Variants in NEB observed in about 807,000 individuals in gnomAD.
NEB encodes nebulin, also known as nemaline myopathy type 2.
In NEB, 512 loss-of-function variants were observed where a neutral mutation model predicts 952.2. That is an observed-to-expected ratio of 0.54 (90% CI 0.50 to 0.58). The LOEUF is 0.58. Ranked by LOEUF, NEB falls within the 20% of genes least tolerant of loss-of-function variation. The pLI is 0.00. For synonymous variants in NEB, 2,900 were observed against 3,149.8 expected, an observed-to-expected ratio of 0.92 and a Z score of 2.66; for missense variants, 8,428 against 9,231.1, an observed-to-expected ratio of 0.91 and a Z score of 3.56.
At chr2:151,710,963 C>T (rs748691260) in intron 10 of NEB, among the ~76,000 whole-genome samples, 8 of 152,178 alleles carry the variant, frequency 5.3e-5, no homozygotes, top group Admixed American at 6.5e-5. Context: ...AAAGAAACAA[C>T]CACAATAAAA....
At chr2:151,666,676 G>A (rs545631716) in intron 40 of NEB, among the ~76,000 whole-genome samples, 2 of 152,182 alleles carry the variant, frequency 1.3e-5, no homozygotes, top group East Asian at 3.9e-4. Flanking sequence ...TTCCTGAGAA[G>A]TTGGCTTATG....
chr2:151,566,125 G>T (rs1343210788), intron 114 of NEB, among the ~76,000 whole-genome samples: 1 of 152,138 alleles, frequency 6.6e-6, no homozygotes, highest in Non-Finnish European at 1.5e-5. Flanking sequence ...GGAAGGGGCT[G>T]TTATTTTCTG....
rs752098313 is a variant in NEB, at chr2:151,650,667, G to A, written c.7134C>T (p.Asp2378=). 34 of 1,613,576 alleles carry A rather than the reference G, an allele frequency of 2.1e-5. No individual in the cohort carries two copies. Among genetic ancestry groups the A allele is most frequent in the Admixed American group, 1.7e-4 (10 of 59,984 alleles). ...LAKKCQELVS[D]VDYKNYLHQW... The stretch of plus-strand genomic sequence containing the variant: ...GATGCAGGTAGTTCTTGTAGTCCAC[G>A]TCACTAACCAACTCCTGACACTTCT... The change falls in exon 53 of 182, where the codon GAC becomes GAT. Residue 2378 remains aspartate, a synonymous_variant. Transcript: ENST00000397345.
chr2:151,666,237 A>C lies in NEB; in HGVS notation c.4884T>G (p.Pro1628=), dbSNP rs1041760075. 2.5e-6 allele frequency: 4 copies of C among 1,613,948 alleles called. No individual in the cohort carries two copies. Among genetic ancestry groups the C allele is most frequent in the Non-Finnish European group, 3.4e-6 (4 of 1,179,872 alleles). Residue 1628 remains proline, a synonymous_variant, in exon 41 of 182, where the codon CCT becomes CCG. Transcript: ENST00000397345. ...CAGCTGTCACACTGACCATATCCAG[A>C]GGTGTGTGGTACTTGGTCTTGCTGG... ...YEASKTKYHT[P]LDMVSVTAAK... is the part of the protein sequence containing the mutation.
intron 27 of NEB, 105 bp downstream of exon 27, chr2:151,687,314 T>G (rs558576817): frequency 1.1e-6 from 1 of 929,026 alleles, no homozygotes; most frequent in African/African-American, 1.6e-5. Flanking sequence ...GTGAATGTGA[T>G]GTGAAAGAGC....
intron 72 of NEB, among the ~76,000 whole-genome samples, chr2:151,620,088 A>G (rs1322756860): frequency 6.6e-6 from 1 of 152,088 alleles, no homozygotes; most frequent in African/African-American, 2.4e-5. Context: ...TTAAGAACAC[A>G]CCTGGGGCGT....
In NEB at chr2:151,552,655, C is replaced by A; in HGVS notation, c.19836+17G>T. On this transcript the variant is annotated intron_variant, in intron 128 of 181. Coordinates refer to ENST00000397345, the MANE Select transcript of NEB (RefSeq NM_001164508.2). ...TGCTTTATTACTGTCCACTTAACTT[C>A]CCCAGTGATCACTTACGTCACTTAG... The A allele has an allele frequency of 6.3e-7, 1 of 1,583,474 alleles. No individual in the cohort carries two copies.
At position 151,682,782 on chromosome 2, in the gene NEB, G is replaced by A. The variant is rs754168438; in HGVS notation, c.2836-13C>T. On this transcript the variant is annotated splice_polypyrimidine_tract_variant and intron_variant, in intron 28 of 181. Transcript: ENST00000397345. ...CTTTGTATTCAACCTAAAACACCAAGAGAAAGGTTACATTTCTTTGCTGTG... is the reference window on the plus strand; with the variant it reads ...CTTTGTATTCAACCTAAAACACCAAAAGAAAGGTTACATTTCTTTGCTGTG... 1.9e-6 allele frequency: 3 copies of A among 1,598,706 alleles called. No individual in the cohort carries two copies. Among genetic ancestry groups the A allele is most frequent in the Non-Finnish European group, 2.6e-6 (3 of 1,168,272 alleles).
At chr2:151,548,162 T>C in intron 131 of NEB, 146 bp downstream of exon 131, 1 of 691,696 alleles carries the variant, frequency 1.4e-6, no homozygotes. Flanking sequence ...GAAATATCAG[T>C]ATCAAAATGT....
In NEB at chr2:151,684,798, C is replaced by A; in HGVS notation, c.2815G>T (p.Ala939Ser). 1 of 1,608,934 alleles carries A rather than the reference C, an allele frequency of 6.2e-7. No individual in the cohort carries two copies. Among genetic ancestry groups the A allele is most frequent in the Non-Finnish European group, 8.5e-7 (1 of 1,177,244 alleles). Residue 939 changes from alanine (A) to serine (S), a missense_variant, in exon 28 of 182, where the codon GCA becomes TCA. Around this residue, in one of 11 missense-constraint regions of NEB, gnomAD observed 2,851 missense variants for 2,791.5 expected, o/e 1.02. Coordinates refer to ENST00000397345, the MANE Select transcript of NEB (RefSeq NM_001164508.2). ...CTCACATCGCTCTGCAGCGCATATG[C>A]CTTCTTGGCAAGGTCCACATTGATG... is the stretch of plus-strand genomic sequence containing the variant. The part of the protein sequence containing the change: ...DSINVDLAKK[A>S]YALQSDVEYK...
chr2:151,716,163 A>T, intron 10 of NEB: 1 of 430,976 alleles, frequency 2.3e-6, no homozygotes, highest in South Asian at 1.7e-5. Context: ...TTTTTGAGAC[A>T]GTTTCACACT....
At chr2:151,504,150 G>A (rs1228990525) in intron 165 of NEB, among the ~76,000 whole-genome samples, 2 of 152,122 alleles carry the variant, frequency 1.3e-5, no homozygotes. Flanking sequence ...TCAGCCTAAA[G>A]GACTGAATGA....
intron 149 of NEB, 27 bp downstream of exon 149, chr2:151,526,131 C>A: frequency 6.2e-7 from 1 of 1,612,764 alleles, no homozygotes; most frequent in Non-Finnish European, 8.5e-7. Flanking sequence ...AAGAGGGAAG[C>A]AGAACTCATG....
Position 151,625,620 on chromosome 2 carries a change from A to G in NEB, c.10366T>C (p.Trp3456Arg), listed in dbSNP as rs747464189. ...NMNKRLYTEAWDKDKTQVHIM... is the reference protein window; with the variant it reads ...NMNKRLYTEARDKDKTQVHIM... ...TGGACTTGGGTCTTGTCTTTGTCCC[A>G]GGCTTCTGTGTATAAGCGCTGTGAA... The change falls in exon 71 of 182, where the codon TGG (tryptophan) becomes CGG (arginine). Residue 3456 changes from tryptophan to arginine, a missense_variant. Transcript: ENST00000397345. The G allele has an allele frequency of 1.2e-6, 2 of 1,605,498 alleles. No individual in the cohort carries two copies. The highest frequency in any genetic ancestry group is 2.2e-5 in the South Asian group (2 of 89,890).
intron 178 of NEB, 68 bp downstream of exon 178, chr2:151,492,030 A>G (rs1442190012): frequency 8.8e-6 from 13 of 1,478,916 alleles, no homozygotes; most frequent in Non-Finnish European, 1.1e-5. Flanking sequence ...TGATGTAGGT[A>G]ATGCTACTTT....
chr2:151,695,817 T>C (rs2099591964), intron 17 of NEB, 135 bp from the exon 18 acceptor site: 1 of 668,418 alleles, frequency 1.5e-6, no homozygotes, highest in Non-Finnish European at 2.6e-6. Flanking sequence ...GTAGGCCATC[T>C]GCATTACTGA....
chr2:151,541,982 T>C (rs2094133495), intron 135 of NEB, among the ~76,000 whole-genome samples: 3 of 152,210 alleles, frequency 2.0e-5, no homozygotes, highest in African/African-American at 7.2e-5. Context: ...CTCAGCCAAG[T>C]TGCCTGTGTT....
At chr2:151,560,429 T>C (rs914226975) in intron 124 of NEB, among the ~76,000 whole-genome samples, 163 bp downstream of exon 124, 1 of 152,118 alleles carries the variant, frequency 6.6e-6, no homozygotes, top group Non-Finnish European at 1.5e-5. Context: ...AGTGAGCACA[T>C]AGACTCTAAT....
At chr2:151,719,211 C>G (rs923448783) in intron 9 of NEB, among the ~76,000 whole-genome samples, 1 of 152,188 alleles carries the variant, frequency 6.6e-6, no homozygotes. Flanking sequence ...CCTTGGGAAC[C>G]CTTGTGGCCT....
Sources: allele counts gnomAD v4.1 joint callset (sites outside exome capture counted in the v4.1 genomes callset), GRCh38; gene constraint gnomAD v4.1.1; regional missense constraint gnomAD v4.1.1; transcripts MANE v1.5; gene names NCBI Gene and HGNC (gene_info 2026-07-23, HGNC 2026-07-21).